Variants in LARGE1 observed in about 807,000 individuals in gnomAD.
LARGE1 encodes the protein xylosyl- and glucuronyltransferase LARGE1.
A neutral mutation model predicts 87.6 loss-of-function variants in LARGE1; 43 were observed. The observed-to-expected ratio is 0.49, with a 90% CI of 0.38 to 0.63. The LOEUF (loss-of-function observed/expected upper bound fraction) is 0.63. LARGE1 is among the 30% of genes least tolerant of loss of function. LARGE1 has a pLI of 0.00. For missense variants in LARGE1, 802 were observed against 1,000.2 expected (o/e 0.80, Z 2.67); for synonymous variants, 434 against 394.6 (o/e 1.10, Z -1.18).
chr22:33,176,684 T>C (rs974361837), intron 11 of LARGE1, among the ~76,000 whole-genome samples: 2 of 152,146 alleles, frequency 1.3e-5, no homozygotes, highest in African/African-American at 4.8e-5. Context: ...AGTGGAGAAA[T>C]AGGAATACTT....
At chr22:33,449,341 C>T (rs1233698324) in intron 6 of LARGE1, among the ~76,000 whole-genome samples, 1 of 152,136 alleles carries the variant, frequency 6.6e-6, no homozygotes, top group Non-Finnish European at 1.5e-5. Context: ...GAAGGGAACG[C>T]AGAAAAGGAG....
downstream of LARGE1, among the ~76,000 whole-genome samples, chr22:33,157,619 A>T (rs1474118127): frequency 6.6e-6 from 1 of 152,168 alleles, no homozygotes; most frequent in Non-Finnish European, 1.5e-5. Flanking sequence ...ATACTTCCAT[A>T]CCACTATCAA....
At chr22:33,128,509 T>C in the LARGE1 span, among the ~76,000 whole-genome samples, 1 of 151,902 alleles carries the variant, frequency 6.6e-6, no homozygotes, top group South Asian at 2.1e-4. Flanking sequence ...ACCACGTCTC[T>C]ATTAAAAATA....
chr22:33,641,600 G>A (rs1032967045), intron 3 of LARGE1, among the ~76,000 whole-genome samples: 4 of 152,150 alleles, frequency 2.6e-5, no homozygotes, highest in Admixed American at 2.6e-4. Context: ...AAAGGAGCAT[G>A]TTCTAACCCA....
At chr22:33,267,663 A>C (rs918407902), downstream of LARGE1, among the ~76,000 whole-genome samples, 5 of 151,096 alleles carry the variant, frequency 3.3e-5, 1 homozygote, top group Admixed American at 2.6e-4. Context: ...AGAGACTTCT[A>C]AGTGGAGCTT....
intron 2 of LARGE1, among the ~76,000 whole-genome samples, chr22:33,697,163 A>G (rs2082276078): frequency 6.6e-6 from 1 of 152,268 alleles, no homozygotes; most frequent in Admixed American, 6.5e-5. Context: ...AAGCATGAAC[A>G]AGGGATGTTA....
chr22:33,122,512 C>T, the LARGE1 span, among the ~76,000 whole-genome samples: 4 of 152,046 alleles, frequency 2.6e-5, no homozygotes, highest in Non-Finnish European at 5.9e-5. Flanking sequence ...GTGCCTATCA[C>T]CATGCCCAGA....
chr22:33,576,501 G>C (rs1429723966), intron 5 of LARGE1, among the ~76,000 whole-genome samples: 1 of 152,138 alleles, frequency 6.6e-6, no homozygotes, highest in Non-Finnish European at 1.5e-5. Context: ...AAGATATCCA[G>C]GTGGCTTTGG....
intron 1 of LARGE1, among the ~76,000 whole-genome samples, chr22:33,902,837 A>C (rs1188395225): frequency 2.0e-5 from 3 of 152,134 alleles, no homozygotes; most frequent in Non-Finnish European, 4.4e-5. Flanking sequence ...GGGGTCTTTA[A>C]AAAGGTGATT....
intron 6 of LARGE1, among the ~76,000 whole-genome samples, chr22:33,542,907 C>G (rs2077252636): frequency 6.6e-6 from 1 of 152,152 alleles, no homozygotes. Flanking sequence ...AAGCGAAGTT[C>G]TCTTGAAATT....
chr22:33,340,475 C>T (rs1458128950), intron 9 of LARGE1, among the ~76,000 whole-genome samples: 3 of 151,882 alleles, frequency 2.0e-5, no homozygotes, highest in Non-Finnish European at 4.4e-5. Flanking sequence ...GGAAAGACCC[C>T]ATGAGGACTG....
the LARGE1 span, among the ~76,000 whole-genome samples, chr22:33,090,513 C>A: frequency 6.6e-6 from 1 of 152,028 alleles, no homozygotes; most frequent in African/African-American, 2.4e-5. Flanking sequence ...AGGTGCCTGG[C>A]AGAGAGAGTA....
intron 11 of LARGE1, among the ~76,000 whole-genome samples, chr22:33,258,820 C>T (rs1927457581): frequency 1.3e-5 from 2 of 151,892 alleles, no homozygotes; most frequent in African/African-American, 4.8e-5. Flanking sequence ...CCTGTAACAG[C>T]AGGAGAGAAC....
intron 2 of LARGE1, among the ~76,000 whole-genome samples, chr22:33,683,545 A>T (rs1352975459): frequency 6.6e-6 from 1 of 152,126 alleles, no homozygotes; most frequent in Non-Finnish European, 1.5e-5. Context: ...GGATGGATGG[A>T]TGGACAGACG....
intron 6 of LARGE1, among the ~76,000 whole-genome samples, chr22:33,489,533 T>C (rs1659937235): frequency 6.6e-6 from 1 of 152,188 alleles, no homozygotes; most frequent in African/African-American, 2.4e-5. Context: ...CCCCATACTG[T>C]TCCTGTGGTA....
At chr22:33,330,714 T>TG (rs1165722830) in intron 10 of LARGE1, among the ~76,000 whole-genome samples, 1 of 152,192 alleles carries the variant, frequency 6.6e-6, no homozygotes, top group Admixed American at 6.5e-5. Context: ...TCCATAGCAC[T>TG]GGGGGAGCCT....
chr22:33,578,504 T>C (rs919363417), intron 5 of LARGE1, among the ~76,000 whole-genome samples: 1 of 152,204 alleles, frequency 6.6e-6, no homozygotes, highest in Admixed American at 6.5e-5. Context: ...GGAGAAAATA[T>C]TATTATGTTT....
At chr22:33,558,311 T>C (rs1348946036) in intron 6 of LARGE1, among the ~76,000 whole-genome samples, 1 of 151,980 alleles carries the variant, frequency 6.6e-6, no homozygotes, top group East Asian at 1.9e-4. Flanking sequence ...CTGAGCTTCA[T>C]TTGGAGATAA....
At chr22:33,572,297 G>T in intron 5 of LARGE1, 1 of 754,840 alleles carries the variant, frequency 1.3e-6, no homozygotes, top group African/African-American at 1.9e-5. Context: ...TATATGTTCA[G>T]AGTATAATTG....
Sources: allele counts gnomAD v4.1 joint callset (sites outside exome capture counted in the v4.1 genomes callset), GRCh38; gene constraint gnomAD v4.1.1; transcripts MANE v1.5; gene names NCBI Gene and HGNC (gene_info 2026-07-23, HGNC 2026-07-21).